GALNTL6: variants seen among roughly 807,000 people sequenced by gnomAD.
GALNTL6 encodes polypeptide N-acetylgalactosaminyltransferase like 6.
GALNTL6 carries 46 observed loss-of-function variants against 73.7 expected under a neutral mutation model. The ratio of observed to expected loss-of-function variants is 0.62; its 90% CI spans 0.49 to 0.80. The LOEUF is 0.80. Ranked by LOEUF, GALNTL6 falls within the 30% of genes least tolerant of loss-of-function variation. The probability of loss-of-function intolerance (pLI) is 0.00; values close to 1 mark genes in which losing one functional copy is unlikely to be tolerated. For synonymous variants in GALNTL6, 259 were observed against 263.7 expected (o/e 0.98, Z 0.17); for missense variants, 604 against 755.0 (o/e 0.80, Z 2.34).
intron 5 of GALNTL6, among the ~76,000 whole-genome samples, chr4:172,805,767 T>A (rs552801381): frequency 6.6e-6 from 1 of 152,250 alleles, no homozygotes; most frequent in East Asian, 1.9e-4. Context: ...GAAATGAATC[T>A]AAACCCTCTC....
At position 172,914,903 on chromosome 4, in the gene GALNTL6, T is replaced by C. The variant is rs757708368; in HGVS notation, c.1042-16258T>C. ...ACAGCTCTGCACCAAGTGGACCTAA[T>C]AGACATCTACAGAACTCTCCACCCC... On this transcript the variant is annotated intron_variant, in intron 8 of 12. Coordinates refer to ENST00000506823, the MANE Select transcript of GALNTL6 (RefSeq NM_001034845.3). 1.0e-3 allele frequency among the ~76,000 whole-genome samples: 155 copies of C among 152,298 alleles called. No individual in the cohort carries two copies. The Middle Eastern group carries it at 0.017, about 17-fold the overall frequency.
intron 2 of GALNTL6, among the ~76,000 whole-genome samples, chr4:172,177,768 TGTAC>T (rs1475459755): frequency 4.3e-5 from 6 of 139,234 alleles, no homozygotes; most frequent in Non-Finnish European, 7.6e-5. Context: ...TGTATATATA[TGTAC>T]ACATATATAC....
At chr4:172,265,192 C>T (rs537183878) in intron 3 of GALNTL6, among the ~76,000 whole-genome samples, 262 of 151,988 alleles carry the variant, frequency 1.7e-3, no homozygotes, top group African/African-American at 6.0e-3. Context: ...GATTTCAAGG[C>T]GCAACCGTGA....
At chr4:171,816,562 C>A (rs1734530421) in intron 2 of GALNTL6, among the ~76,000 whole-genome samples, 1 of 151,912 alleles carries the variant, frequency 6.6e-6, no homozygotes, top group South Asian at 2.1e-4. Context: ...TATGACATTC[C>A]AGTTTAATAA....
intron 2 of GALNTL6, among the ~76,000 whole-genome samples, chr4:171,999,206 T>A (rs1740594256): frequency 6.6e-6 from 1 of 152,024 alleles, no homozygotes; most frequent in Admixed American, 6.6e-5. Flanking sequence ...ACCTAGTCAA[T>A]CCCCCAAATT....
At chr4:172,377,663 G>A (rs1450978211) in intron 5 of GALNTL6, among the ~76,000 whole-genome samples, 1 of 152,156 alleles carries the variant, frequency 6.6e-6, no homozygotes, top group Non-Finnish European at 1.5e-5. Context: ...GTGGGCTGCA[G>A]GTCCCAAGCC....
At chr4:172,975,595 C>G (rs1307108977) in intron 10 of GALNTL6, among the ~76,000 whole-genome samples, 1 of 152,146 alleles carries the variant, frequency 6.6e-6, no homozygotes, top group African/African-American at 2.4e-5. Context: ...TCACCAGGGA[C>G]CTGTCCCTTT....
At chr4:172,278,372 A>G (rs1738908105) in intron 3 of GALNTL6, among the ~76,000 whole-genome samples, 1 of 152,134 alleles carries the variant, frequency 6.6e-6, no homozygotes, top group Non-Finnish European at 1.5e-5. Context: ...ATAACTATAA[A>G]TTGCCCATAA....
chr4:172,098,202 T>C (rs1732411497), intron 2 of GALNTL6, among the ~76,000 whole-genome samples: 1 of 152,108 alleles, frequency 6.6e-6, no homozygotes, highest in African/African-American at 2.4e-5. Context: ...TATATATCTA[T>C]GTATATATAT....
At chr4:172,917,790 C>T (rs1196404631) in intron 8 of GALNTL6, among the ~76,000 whole-genome samples, 3 of 152,178 alleles carry the variant, frequency 2.0e-5, no homozygotes. Context: ...AACGCTTTTA[C>T]ACTGTTGGTG....
chr4:172,518,219 T>A (rs1734669283), intron 5 of GALNTL6, among the ~76,000 whole-genome samples: 1 of 151,982 alleles, frequency 6.6e-6, no homozygotes, highest in South Asian at 2.1e-4. Flanking sequence ...ATAATATAAT[T>A]TTTTCATCTA....
At chr4:172,661,144 CTA>C (rs1271765659) in intron 5 of GALNTL6, among the ~76,000 whole-genome samples, 1 of 152,144 alleles carries the variant, frequency 6.6e-6, no homozygotes, top group Non-Finnish European at 1.5e-5. Context: ...TGGACTTTGA[CTA>C]AAGCAGATTA....
intron 10 of GALNTL6, among the ~76,000 whole-genome samples, chr4:173,008,883 T>A (rs1752415625): frequency 6.6e-6 from 1 of 152,216 alleles, no homozygotes; most frequent in Non-Finnish European, 1.5e-5. Flanking sequence ...ATAGTCAGTG[T>A]CTAGTGCTAC....
At chr4:172,901,696 T>TATC (rs1202915893) in intron 8 of GALNTL6, among the ~76,000 whole-genome samples, 3 of 152,242 alleles carry the variant, frequency 2.0e-5, no homozygotes, top group Non-Finnish European at 2.9e-5. Context: ...AAAATTGCTT[T>TATC]ATCTGAAGGA....
intron 5 of GALNTL6, among the ~76,000 whole-genome samples, chr4:172,404,192 A>T (rs932959447): frequency 6.6e-6 from 1 of 151,964 alleles, no homozygotes; most frequent in African/African-American, 2.4e-5. Context: ...GGATGCCTAT[A>T]GTTAACTGAA....
chr4:172,809,235 TGAG>T lies in GALNTL6; in HGVS notation c.554-122_554-120del. 2 of 711,336 alleles carry T rather than the reference TGAG, an allele frequency of 2.8e-6. No individual in the cohort carries two copies. The highest frequency in any genetic ancestry group is 1.9e-5 in the South Asian group (1 of 53,050). 44.1% of individuals were successfully genotyped at this position (711,336 alleles called of 1,614,324 possible). A position where few individuals can be genotyped will look rare whatever the true frequency, so the allele number is the denominator to read the frequency against. On this transcript the variant is annotated intron_variant, in intron 5 of 12. Transcript: ENST00000506823. This position sits in a 1 kb window ranked among gnomAD's most constrained non-coding sequence, Gnocchi z 4.4. Reference sequence around the variant, plus strand: ...ATCTTACTAGTATCTCCCATCTAGATGAGGAGACAAGAATGTTACCCCAGGATT... The same window carrying T: ...ATCTTACTAGTATCTCCCATCTAGATGAGACAAGAATGTTACCCCAGGATT...
intron 9 of GALNTL6, among the ~76,000 whole-genome samples, chr4:172,931,882 C>T (rs1419307493): frequency 2.0e-5 from 3 of 152,188 alleles, no homozygotes; most frequent in African/African-American, 7.2e-5. Flanking sequence ...CCGTTTGAAA[C>T]ATTTTTATGC....
chr4:172,124,970 T>A (rs1165597704), intron 2 of GALNTL6, among the ~76,000 whole-genome samples: 1 of 152,138 alleles, frequency 6.6e-6, no homozygotes, highest in East Asian at 1.9e-4. Flanking sequence ...TTTGCTTTTT[T>A]AGGCCTTCAA....
intron 2 of GALNTL6, among the ~76,000 whole-genome samples, chr4:171,861,914 C>T (rs550219285): frequency 2.4e-4 from 37 of 152,194 alleles, no homozygotes; most frequent in Admixed American, 5.9e-4. Context: ...GACCACTGGC[C>T]ACTAATAGTG....
Sources: allele counts gnomAD v4.1 joint callset (sites outside exome capture counted in the v4.1 genomes callset), GRCh38; gene constraint gnomAD v4.1.1; non-coding constraint Gnocchi (gnomAD v3.1); transcripts MANE v1.5; gene names NCBI Gene and HGNC (gene_info 2026-07-23, HGNC 2026-07-21).